Variants in VASH2 observed in about 807,000 individuals in gnomAD.
The protein encoded by VASH2 is tubulinyl-Tyr carboxypeptidase 2.
A neutral mutation model predicts 37.2 loss-of-function variants in VASH2; 28 were observed. The ratio of observed to expected loss-of-function variants is 0.75; its 90% CI spans 0.56 to 1.03. The LOEUF (loss-of-function observed/expected upper bound fraction) is 1.03, where lower values mean the gene tolerates loss of function less well. Ranked by LOEUF, VASH2 falls within the 50% of genes least tolerant of loss-of-function variation. The probability of loss-of-function intolerance (pLI) is 0.00; values close to 1 mark genes in which losing one functional copy is unlikely to be tolerated. For synonymous variants in VASH2, 188 were observed against 174.7 expected (o/e 1.08, Z -0.60); for missense variants, 419 against 459.1 (o/e 0.91, Z 0.80).
chr1:212,973,303 G>A (rs764729017), intron 6 of VASH2: 31 of 1,083,982 alleles, frequency 2.9e-5, no homozygotes, highest in Non-Finnish European at 3.6e-5. Context: ...GAGATTTTCA[G>A]TATTAAAACC....
At chr1:212,981,525 G>C (rs1667338878) in intron 7 of VASH2, among the ~76,000 whole-genome samples, 1 of 152,210 alleles carries the variant, frequency 6.6e-6, no homozygotes, top group South Asian at 2.1e-4. Flanking sequence ...TGGGGTCTTT[G>C]CTTAAACTTG....
At chr1:212,956,864 G>T (rs569042122) in intron 2 of VASH2, among the ~76,000 whole-genome samples, 52 of 152,226 alleles carry the variant, frequency 3.4e-4, no homozygotes, top group Admixed American at 1.1e-3. Context: ...TGGAGAGAGA[G>T]ATATATATAT....
rs1334171764 is a variant in VASH2, at chr1:212,972,773, G to T, written c.691G>T (p.Asp231Tyr). ...TCGGACTCTGAGTGACCTCATCTTT[G>T]ACTTTGAGGACTCTTACAAGAAATA... ...TFRTLSDLIFDFEDSYKKYLH... is the reference protein window; with the variant it reads ...TFRTLSDLIFYFEDSYKKYLH... The change falls in exon 6 of 8, where the codon GAC (aspartate) becomes TAC (tyrosine). Residue 231 changes from aspartate to tyrosine, a missense_variant. Coordinates refer to ENST00000517399, the MANE Select transcript of VASH2 (RefSeq NM_001301056.2). The T allele has an allele frequency of 6.2e-7, 1 of 1,614,162 alleles. No individual in the cohort carries two copies. Among genetic ancestry groups the T allele is most frequent in the Admixed American group, 1.7e-5 (1 of 60,026 alleles).
chr1:212,969,188 C>T, intron 5 of VASH2: 1 of 972,344 alleles, frequency 1.0e-6, no homozygotes, highest in Non-Finnish European at 1.2e-6. Flanking sequence ...GATCCGAATT[C>T]TTCTTCTTTT....
chr1:212,986,929 GTTAT>G (rs1334524191), intron 7 of VASH2, among the ~76,000 whole-genome samples: 1 of 152,192 alleles, frequency 6.6e-6, no homozygotes, highest in Admixed American at 6.5e-5. Context: ...AAGGTTACAA[GTTAT>G]TTGAGTAGGG....
Position 212,951,941 on chromosome 1 carries a change from T to G in VASH2, c.276+123T>G. 2.6e-6 allele frequency: 3 copies of G among 1,171,748 alleles called. No homozygotes were observed. The allele number at this position is 1,171,748 out of a possible 1,614,324, so 72.6% of individuals were successfully genotyped here. ...TTCCTAGTCCTGCTACAAACTCCCT[T>G]CCTCTCCCCATTCCTTCCTGCCAGC... is the stretch of plus-strand genomic sequence containing the variant. On this transcript the variant is annotated intron_variant, in intron 2 of 7. Coordinates refer to ENST00000517399, the MANE Select transcript of VASH2 (RefSeq NM_001301056.2). The surrounding 1 kb of genome is among the most constrained non-coding windows in gnomAD (Gnocchi z 4.4).
chr1:212,967,654 G>T, intron 5 of VASH2: 1 of 189,772 alleles, frequency 5.3e-6, no homozygotes, highest in Non-Finnish European at 1.1e-5. Flanking sequence ...GGGAAAGGCT[G>T]GGCTGGATCA....
intron 2 of VASH2, among the ~76,000 whole-genome samples, chr1:212,960,035 G>A (rs946861342): frequency 1.3e-5 from 2 of 152,202 alleles, no homozygotes; most frequent in Non-Finnish European, 2.9e-5. Context: ...GAAACATGTA[G>A]GTGAAATAAA....
intron 7 of VASH2, among the ~76,000 whole-genome samples, chr1:212,985,331 G>A (rs966794340): frequency 4.7e-5 from 7 of 148,910 alleles, no homozygotes; most frequent in Admixed American, 2.0e-4. Flanking sequence ...ATGACCCAGC[G>A]CACCCAGCCA....
At chr1:212,954,047 A>T (rs1666407869) in intron 2 of VASH2, among the ~76,000 whole-genome samples, 1 of 151,724 alleles carries the variant, frequency 6.6e-6, no homozygotes, top group Non-Finnish European at 1.5e-5. Context: ...TGTAGCTGGG[A>T]CTACAGACAC....
In VASH2 at chr1:212,977,475, G is replaced by A. The variant is rs183694239; in HGVS notation, c.995+3405G>A. Among the ~76,000 whole-genome samples the A allele has an allele frequency of 7.2e-4, 110 of 152,116 alleles. 1 individual carries two copies. The highest frequency in any genetic ancestry group is 1.3e-3 in the Non-Finnish European group (88 of 67,986). ...GTGTTCAAGAGCAAAGGGATTAATG[G>A]AGGAAGATATATGAGCAGCTGGGGT... On this transcript the variant is annotated intron_variant, in intron 7 of 7. Transcript: ENST00000517399.
At chr1:212,966,423 T>G in intron 5 of VASH2, 78 bp downstream of exon 5, 2 of 1,231,232 alleles carry the variant, frequency 1.6e-6, no homozygotes, top group Non-Finnish European at 2.3e-6. Context: ...CCTTTAACAT[T>G]GTAAATTCTC....
intron 7 of VASH2, among the ~76,000 whole-genome samples, chr1:212,978,409 C>T (rs1432532851): frequency 1.3e-5 from 2 of 152,128 alleles, no homozygotes; most frequent in Non-Finnish European, 2.9e-5. Flanking sequence ...GTCGGTCACT[C>T]GAGGTCAGGA....
chr1:212,976,643 A>G (rs1250174608), intron 7 of VASH2, among the ~76,000 whole-genome samples: 1 of 151,980 alleles, frequency 6.6e-6, no homozygotes, highest in Non-Finnish European at 1.5e-5. Flanking sequence ...TGGAAGAGGA[A>G]CAGTCAGAGA....
chr1:212,953,517 T>C (rs1666389080), intron 2 of VASH2, among the ~76,000 whole-genome samples: 1 of 152,188 alleles, frequency 6.6e-6, no homozygotes, highest in African/African-American at 2.4e-5. Flanking sequence ...CATTGTCAAC[T>C]TCCTTTGCTA....
rs1162119292 is a variant in VASH2, at chr1:212,971,692, A to T, written c.498-888A>T. Among the ~76,000 whole-genome samples the T allele has an allele frequency of 6.6e-6, 1 of 152,194 alleles. No individual in the cohort carries two copies. The highest frequency in any genetic ancestry group is 1.5e-5 in the Non-Finnish European group (1 of 68,030). On this transcript the variant is annotated intron_variant, in intron 5 of 7. Transcript: ENST00000517399. This position sits in a 1 kb window ranked among gnomAD's most constrained non-coding sequence, Gnocchi z 4.0. Reference sequence around the variant, plus strand: ...TGCTTTCTTTCTAGAGAGTGGAGGCATCCGTGATTAAACCGAGAGCAGAGG... The same window carrying T: ...TGCTTTCTTTCTAGAGAGTGGAGGCTTCCGTGATTAAACCGAGAGCAGAGG...
chr1:212,988,405 C>G, intron 7 of VASH2, 107 bp from the exon 8 acceptor site: 1 of 1,158,386 alleles, frequency 8.6e-7, no homozygotes, highest in East Asian at 2.5e-5. Flanking sequence ...GAGGATGAGA[C>G]AAATATCAGA....
chr1:212,987,042 A>G (rs1465115456), intron 7 of VASH2, among the ~76,000 whole-genome samples: 2 of 151,920 alleles, frequency 1.3e-5, no homozygotes, highest in Non-Finnish European at 2.9e-5. Flanking sequence ...AGAGAGAGAG[A>G]GAGAGAGAGA....
intron 2 of VASH2, 143 bp from the exon 3 acceptor site, chr1:212,961,023 G>A: frequency 1.4e-6 from 1 of 732,070 alleles, no homozygotes; most frequent in Non-Finnish European, 2.3e-6. Flanking sequence ...GCTCAATCAG[G>A]TAACCACACC....
Sources: gnomAD v4.1 joint callset for allele counts (sites outside exome capture counted in the v4.1 genomes callset) on GRCh38, gnomAD v4.1.1 for gene constraint, Gnocchi (gnomAD v3.1) non-coding constraint, MANE v1.5 for transcripts, NCBI Gene and HGNC (gene_info 2026-07-23, HGNC 2026-07-21) for gene names.